Variants in MCTP1 observed in about 807,000 individuals in gnomAD.
The protein encoded by MCTP1 is multiple C2 and transmembrane domain-containing protein 1.
Under a neutral mutation model 120.6 loss-of-function variants are expected in MCTP1, and 69 were observed. The observed-to-expected ratio is 0.57, with a 90% CI of 0.47 to 0.70. The LOEUF (loss-of-function observed/expected upper bound fraction) is 0.70. Ranked by LOEUF, MCTP1 falls within the 30% of genes least tolerant of loss-of-function variation. The pLI, the probability that MCTP1 is intolerant of heterozygous loss-of-function variation, is 0.00. For missense variants in MCTP1, 1,203 were observed against 1,248.8 expected (o/e 0.96, Z 0.55); for synonymous variants, 529 against 493.1 (o/e 1.07, Z -0.96).
chr5:94,770,667 C>A (rs1204931775), intron 19 of MCTP1, among the ~76,000 whole-genome samples: 1 of 152,176 alleles, frequency 6.6e-6, no homozygotes, highest in Non-Finnish European at 1.5e-5. Flanking sequence ...TGTAACAAAG[C>A]TTGACAGGTA....
chr5:95,085,283 T>C lies in MCTP1; in HGVS notation c.721-67799A>G, dbSNP rs547859754. 3.9e-5 allele frequency among the ~76,000 whole-genome samples: 6 copies of C among 152,212 alleles called. No individual in the cohort carries two copies. In the East Asian group the frequency reaches 9.6e-4, roughly 24 times the overall value. On this transcript the variant is annotated intron_variant, in intron 1 of 22. Coordinates refer to ENST00000515393, the MANE Select transcript of MCTP1 (RefSeq NM_024717.7). ...ACTGTATATCTTTTATAATACTTTT[T>C]ATTAGATATGCACATATCCATAACA...
intron 2 of MCTP1, among the ~76,000 whole-genome samples, chr5:94,953,892 CAAATATATATATGCATAT>C (rs1821425811): frequency 2.2e-5 from 2 of 89,728 alleles, no homozygotes; most frequent in Admixed American, 2.6e-4. Context: ...CATATATATA[CAAATATATATATGCATAT>C]ATATACAAAT....
At chr5:94,710,469 AT>A (rs1561505982) in intron 21 of MCTP1, 1 of 201,784 alleles carries the variant, frequency 5.0e-6, no homozygotes, top group Non-Finnish European at 9.8e-6. Flanking sequence ...AAAAAAGCAT[AT>A]TTTCCTAAAT....
intron 1 of MCTP1, among the ~76,000 whole-genome samples, chr5:95,056,059 A>G (rs1194136978): frequency 1.3e-5 from 2 of 152,220 alleles, no homozygotes; most frequent in African/African-American, 4.8e-5. Context: ...CAGAGTACAT[A>G]TTTGACACCA....
intron 1 of MCTP1, among the ~76,000 whole-genome samples, chr5:95,120,386 G>T (rs191860806): frequency 6.6e-6 from 1 of 152,040 alleles, no homozygotes; most frequent in East Asian, 1.9e-4. Context: ...TTAAAAAAAA[G>T]AAAACTATAG....
At chr5:95,274,613 C>T (rs964767490) in intron 1 of MCTP1, among the ~76,000 whole-genome samples, 5 of 107,970 alleles carry the variant, frequency 4.6e-5, no homozygotes, top group African/African-American at 1.9e-4. Flanking sequence ...TCTCCTTCTC[C>T]AATTACTGCT....
intron 1 of MCTP1, among the ~76,000 whole-genome samples, chr5:95,219,661 T>C (rs923931614): frequency 3.9e-5 from 6 of 152,180 alleles, no homozygotes; most frequent in Non-Finnish European, 7.4e-5. Flanking sequence ...CACAGCAACC[T>C]GAGACAACAG....
At chr5:95,085,996 C>A (rs1468372885) in intron 1 of MCTP1, among the ~76,000 whole-genome samples, 2 of 151,874 alleles carry the variant, frequency 1.3e-5, no homozygotes, top group Non-Finnish European at 2.9e-5. Flanking sequence ...AGATATCACT[C>A]TTCTGTGTAT....
At chr5:95,275,703 T>C (rs1452453085) in intron 1 of MCTP1, among the ~76,000 whole-genome samples, 1 of 152,202 alleles carries the variant, frequency 6.6e-6, no homozygotes, top group African/African-American at 2.4e-5. Flanking sequence ...TCAGTGTGCA[T>C]GTATGCATTT....
rs925070172 is a variant in MCTP1, at chr5:95,255,532, A to T, written c.720+28324T>A. 3.9e-5 allele frequency among the ~76,000 whole-genome samples: 6 copies of T among 152,202 alleles called. No homozygotes were observed. The East Asian group carries it at 1.2e-3, about 30-fold the overall frequency. On this transcript the variant is annotated intron_variant, in intron 1 of 22. Coordinates refer to ENST00000515393, the MANE Select transcript of MCTP1 (RefSeq NM_024717.7). The stretch of plus-strand genomic sequence containing the variant: ...AGTGGCACTGCAAAGCCAGGATGGT[A>T]CCCCTGGTGCACTGATCCCACACCT...
chr5:95,170,049 G>C (rs1747027922), intron 1 of MCTP1, among the ~76,000 whole-genome samples: 1 of 152,162 alleles, frequency 6.6e-6, no homozygotes, highest in Non-Finnish European at 1.5e-5. Flanking sequence ...TGGACATTTA[G>C]TGCTATAAAT....
chr5:94,982,884 C>CA (rs34561115), intron 2 of MCTP1, among the ~76,000 whole-genome samples: 945 of 28,588 alleles, frequency 0.033, 130 homozygotes, highest in African/African-American at 0.037. Flanking sequence ...CACACTTCAT[C>CA]AAAAAAAAAA....
chr5:95,266,290 G>A (rs1203266529), intron 1 of MCTP1, among the ~76,000 whole-genome samples: 1 of 152,178 alleles, frequency 6.6e-6, no homozygotes, highest in African/African-American at 2.4e-5. Context: ...CATAAGAATT[G>A]TTACTGAGTC....
intron 12 of MCTP1, among the ~76,000 whole-genome samples, chr5:94,882,179 T>C (rs1008969532): frequency 6.6e-6 from 1 of 152,192 alleles, no homozygotes; most frequent in Non-Finnish European, 1.5e-5. Flanking sequence ...TGTATACATA[T>C]ACTGGTCTCA....
chr5:94,992,292 G>GGATGAT (rs148599893), intron 2 of MCTP1, among the ~76,000 whole-genome samples: 47 of 151,748 alleles, frequency 3.1e-4, no homozygotes, highest in East Asian at 9.7e-4. Context: ...ATAATGTTGA[G>GGATGAT]GATGATGATG....
At chr5:94,832,521 G>A (rs1293701193) in intron 17 of MCTP1, among the ~76,000 whole-genome samples, 1 of 151,550 alleles carries the variant, frequency 6.6e-6, no homozygotes, top group Admixed American at 6.6e-5. Flanking sequence ...CATGTATTTG[G>A]CTTCTTTGAC....
intron 2 of MCTP1, among the ~76,000 whole-genome samples, chr5:94,984,025 A>ATATC (rs1249090232): frequency 6.6e-6 from 1 of 152,236 alleles, no homozygotes; most frequent in African/African-American, 2.4e-5. Flanking sequence ...AGTGAGTCAA[A>ATATC]TATCTGCTTC....
At chr5:94,740,644 A>G (rs1382422265) in intron 19 of MCTP1, among the ~76,000 whole-genome samples, 1 of 152,214 alleles carries the variant, frequency 6.6e-6, no homozygotes, top group African/African-American at 2.4e-5. Context: ...ATTTGTATGC[A>G]AAGTACGTAG....
intron 1 of MCTP1, among the ~76,000 whole-genome samples, chr5:95,072,982 T>G (rs1431240522): frequency 6.6e-6 from 1 of 152,086 alleles, no homozygotes; most frequent in Non-Finnish European, 1.5e-5. Flanking sequence ...CCTGACCTCG[T>G]GATCCGTTCG....
Sources: allele counts gnomAD v4.1 joint callset (sites outside exome capture counted in the v4.1 genomes callset), GRCh38; gene constraint gnomAD v4.1.1; transcripts MANE v1.5; gene names NCBI Gene and HGNC (gene_info 2026-07-23, HGNC 2026-07-21).